The following ZHX3 variants were observed in gnomAD, a reference collection of about 807,000 sequenced individuals.
ZHX3 encodes the protein zinc fingers and homeoboxes 3, also known as zinc fingers and homeoboxes protein 3.
ZHX3 carries 20 observed loss-of-function variants against 64.5 expected under a neutral mutation model. The ratio of observed to expected loss-of-function variants is 0.31; its 90% CI spans 0.22 to 0.45. The LOEUF (loss-of-function observed/expected upper bound fraction) is 0.45, where lower values mean the gene tolerates loss of function less well. Ranked by LOEUF, ZHX3 falls within the 20% of genes least tolerant of loss-of-function variation. ZHX3 has a pLI of 1.00. For synonymous variants in ZHX3, 423 were observed against 461.6 expected (o/e 0.92, Z 1.07); for missense variants, 1,041 against 1,195.8 (o/e 0.87, Z 1.91).
rs2045213153 is a variant in ZHX3, at chr20:41,313,799, T to TAA, written c.-245+3709_-245+3710insTT. 2.6e-5 allele frequency among the ~76,000 whole-genome samples: 4 copies of TAA among 152,144 alleles called. No individual in the cohort carries two copies. In the South Asian group the frequency reaches 8.3e-4, roughly 31 times the overall value. On this transcript the variant is annotated intron_variant, in intron 1 of 3. Transcript: ENST00000683867. ...TTTTAGTAGAGACGGGGTTTCACCGTGTTAGCCAGGATGGTCTCGATCTCC... is the reference window on the plus strand; with the variant it reads ...TTTTAGTAGAGACGGGGTTTCACCGTAAGTTAGCCAGGATGGTCTCGATCTCC...
intron 1 of ZHX3, among the ~76,000 whole-genome samples, chr20:41,285,458 T>C (rs1342634315): frequency 6.6e-6 from 1 of 152,252 alleles, no homozygotes; most frequent in Non-Finnish European, 1.5e-5. Context: ...AGTTAACTTG[T>C]TTGAGCCTCT....
chr20:41,284,937 T>C (rs2043862955), intron 1 of ZHX3, among the ~76,000 whole-genome samples: 1 of 152,152 alleles, frequency 6.6e-6, no homozygotes, highest in Non-Finnish European at 1.5e-5. Context: ...TTTTTCCCCT[T>C]ACTATCTGGT....
rs550219882 is a variant in ZHX3 at position 41,227,402 on chromosome 20, C to A, written c.-150-22336G>T. ...GAAAATGAGAGTGGCTGTGATGGTG[C>A]AAAATATAAAACTCCAACAACTATT... On this transcript the variant is annotated intron_variant, in intron 2 of 3. Coordinates refer to ENST00000683867, the MANE Select transcript of ZHX3 (RefSeq NM_001384317.1). 2.6e-5 allele frequency among the ~76,000 whole-genome samples: 4 copies of A among 152,148 alleles called. No individual in the cohort carries two copies. In the South Asian group the frequency reaches 8.3e-4, roughly 32 times the overall value.
intron 2 of ZHX3, among the ~76,000 whole-genome samples, chr20:41,210,803 A>G (rs1352018669): frequency 4.6e-5 from 7 of 152,214 alleles, no homozygotes; most frequent in Non-Finnish European, 1.0e-4. Flanking sequence ...ACAAACCTGC[A>G]TGTTGTGCAC....
intron 2 of ZHX3, among the ~76,000 whole-genome samples, chr20:41,243,980 C>T (rs1236525250): frequency 1.3e-5 from 2 of 152,092 alleles, no homozygotes; most frequent in African/African-American, 4.8e-5. Flanking sequence ...CTAAGGGATT[C>T]GTGGACCACC....
chr20:41,206,545 A>G (rs2038725071), intron 2 of ZHX3, among the ~76,000 whole-genome samples: 1 of 152,250 alleles, frequency 6.6e-6, no homozygotes, highest in Admixed American at 6.5e-5. Context: ...AGTGGAAGAA[A>G]GAGTATCAGT....
intron 2 of ZHX3, among the ~76,000 whole-genome samples, chr20:41,233,896 T>C (rs2040788976): frequency 6.6e-6 from 1 of 152,246 alleles, no homozygotes; most frequent in Non-Finnish European, 1.5e-5. Context: ...TGTGGCACAC[T>C]GTCCTCCAGT....
chr20:41,188,407 C>A (rs1355249354), intron 3 of ZHX3: 3 of 100,046 alleles, frequency 3.0e-5, no homozygotes, highest in African/African-American at 1.2e-4. Flanking sequence ...CCCACCCCCA[C>A]CTTTTTTTTT....
intron 3 of ZHX3, among the ~76,000 whole-genome samples, chr20:41,191,225 T>C (rs2036987180): frequency 7.2e-6 from 1 of 139,628 alleles, no homozygotes; most frequent in South Asian, 2.4e-4. Flanking sequence ...TTGCTCATTT[T>C]TTATTCTTTT....
intron 2 of ZHX3, among the ~76,000 whole-genome samples, chr20:41,248,783 G>A (rs1400315579): frequency 6.6e-6 from 1 of 152,192 alleles, no homozygotes; most frequent in Admixed American, 6.5e-5. Context: ...TCTGTTCACT[G>A]AACTGGCTCA....
At chr20:41,268,388 C>T (rs891741598) in intron 2 of ZHX3, among the ~76,000 whole-genome samples, 2 of 151,804 alleles carry the variant, frequency 1.3e-5, no homozygotes, top group Admixed American at 6.6e-5. Context: ...CTTTGCTTTC[C>T]GTATTAAGTT....
At chr20:41,302,849 G>C (rs2146815146) in intron 1 of ZHX3, among the ~76,000 whole-genome samples, 1 of 152,300 alleles carries the variant, frequency 6.6e-6, no homozygotes, top group Middle Eastern at 3.4e-3. Flanking sequence ...AATGTCTACT[G>C]TTTTAAGCCA....
intron 2 of ZHX3, among the ~76,000 whole-genome samples, chr20:41,208,393 G>T (rs2038897893): frequency 1.3e-5 from 2 of 152,142 alleles, no homozygotes; most frequent in Admixed American, 1.3e-4. Context: ...AACAAAAAAA[G>T]AGAATTTTAG....
chr20:41,193,997 G>A (rs1437524635), intron 3 of ZHX3, among the ~76,000 whole-genome samples: 2 of 152,132 alleles, frequency 1.3e-5, no homozygotes, highest in Non-Finnish European at 2.9e-5. Context: ...ACCACAACTG[G>A]CCTCAAGTTT....
chr20:41,264,603 T>C (rs1600557291), intron 2 of ZHX3, among the ~76,000 whole-genome samples: 1 of 147,856 alleles, frequency 6.8e-6, no homozygotes, highest in Non-Finnish European at 1.5e-5. Flanking sequence ...CCCTAAAAAG[T>C]AGTCAATTCT....
chr20:41,266,916 C>A (rs2042889735), intron 2 of ZHX3, among the ~76,000 whole-genome samples: 1 of 139,916 alleles, frequency 7.1e-6, no homozygotes, highest in African/African-American at 2.6e-5. Flanking sequence ...GCCGTCTCGG[C>A]TCACTGCAAC....
In ZHX3 at chr20:41,184,861, G is replaced by A. The variant is rs1261956090; in HGVS notation, c.*330C>T. 1.4e-6 allele frequency: 2 copies of A among 1,468,730 alleles called. No individual in the cohort carries two copies. Among genetic ancestry groups the A allele is most frequent in the Non-Finnish European group, 1.8e-6 (2 of 1,103,204 alleles). The allele number at this position is 1,468,730 out of a possible 1,614,324, so 91.0% of individuals were successfully genotyped here. A position where few individuals can be genotyped will look rare whatever the true frequency, so the allele number is the denominator to read the frequency against. On this transcript the variant is annotated 3_prime_UTR_variant, in exon 4 of 4. Coordinates refer to ENST00000683867, the MANE Select transcript of ZHX3 (RefSeq NM_001384317.1). ...TCTGATGTTTTATTTAACATATAGA[G>A]GTGGATGTATATGTTAAAAGCTTGA...
In ZHX3 at chr20:41,195,782, G is replaced by C. The variant is rs1312899429; in HGVS notation, c.2860+6275C>G. ...CCTCTTAGGATTGCTTTCACTATGT[G>C]TCATAAGTTCTGGTATGCTGTGTTT... On this transcript the variant is annotated intron_variant, in intron 3 of 3. Transcript: ENST00000683867. This position sits in a 1 kb window ranked among gnomAD's most constrained non-coding sequence, Gnocchi z 4.2. Among the ~76,000 whole-genome samples, 2 of 152,150 alleles carry C rather than the reference G, an allele frequency of 1.3e-5. No individual in the cohort carries two copies. Among genetic ancestry groups the C allele is most frequent in the Non-Finnish European group, 2.9e-5 (2 of 68,030 alleles).
intron 2 of ZHX3, chr20:41,254,455 A>C (rs953430191): frequency 6.6e-6 from 1 of 152,178 alleles, no homozygotes; most frequent in African/African-American, 2.4e-5. Context: ...GAGAAGTGCT[A>C]GCTGTTATTA....
Sources: gnomAD v4.1 joint callset for allele counts (sites outside exome capture counted in the v4.1 genomes callset) on GRCh38, gnomAD v4.1.1 for gene constraint, Gnocchi (gnomAD v3.1) non-coding constraint, MANE v1.5 for transcripts, NCBI Gene and HGNC (gene_info 2026-07-23, HGNC 2026-07-21) for gene names.